Variants in CAMK2G observed in about 807,000 individuals in gnomAD.
CAMK2G encodes calcium/calmodulin-dependent protein kinase type II subunit gamma.
CAMK2G carries 23 observed loss-of-function variants against 88.7 expected under a neutral mutation model. The observed-to-expected ratio is 0.26, with a 90% CI of 0.19 to 0.37. The LOEUF (loss-of-function observed/expected upper bound fraction) is 0.37. Ranked by LOEUF, CAMK2G falls within the 10% of genes least tolerant of loss-of-function variation. The pLI, the probability that CAMK2G is intolerant of heterozygous loss-of-function variation, is 1.00. For missense variants in CAMK2G, 476 were observed against 780.8 expected (o/e 0.61, Z 4.65); for synonymous variants, 263 against 294.8 (o/e 0.89, Z 1.11).
chr10:73,844,451 A>G (rs2094072379), intron 10 of CAMK2G, among the ~76,000 whole-genome samples: 1 of 151,816 alleles, frequency 6.6e-6, no homozygotes, highest in African/African-American at 2.4e-5. Context: ...TCTGTCACCC[A>G]GGCTGGAATG....
In CAMK2G at chr10:73,824,615, C is replaced by T. The variant is rs970532781; in HGVS notation, c.1156-531G>A. On this transcript the variant is annotated intron_variant, in intron 16 of 22. Transcript: ENST00000423381. ...CCTTCCCTAGTTCCTGGCCCCACGC[C>T]GCCACGTCATGTGGTATGAGGGTCC... Among the ~76,000 whole-genome samples the T allele has an allele frequency of 3.9e-5, 6 of 152,208 alleles. No individual in the cohort carries two copies. The East Asian group carries it at 9.6e-4, about 24-fold the overall frequency.
chr10:73,852,371 AC>A (rs1253760628), intron 4 of CAMK2G, 52 bp from the exon 5 acceptor site: 1 of 1,451,674 alleles, frequency 6.9e-7, no homozygotes, highest in Non-Finnish European at 9.7e-7. Context: ...CCTTTGTCCA[AC>A]CCCAATGTCC....
chr10:73,816,083 C>A (rs2085371044), intron 21 of CAMK2G: 19 of 985,160 alleles, frequency 1.9e-5, no homozygotes, highest in Non-Finnish European at 2.3e-5. Flanking sequence ...TAACTCAGGG[C>A]AGGATAGGGA....
At chr10:73,851,670 A>G (rs1017655108) in intron 5 of CAMK2G, among the ~76,000 whole-genome samples, 3 of 151,436 alleles carry the variant, frequency 2.0e-5, no homozygotes, top group Admixed American at 6.6e-5. Context: ...TAGTGCAAAA[A>G]AAAAGTATTT....
At chr10:73,841,744 G>GTT (rs2093802343) in intron 12 of CAMK2G, 1 of 174,128 alleles carries the variant, frequency 5.7e-6, no homozygotes, top group African/African-American at 2.4e-5. Context: ...ACAAAATGAA[G>GTT]TAAGAGATCG....
chr10:73,864,067 G>A (rs2095490628), intron 2 of CAMK2G, among the ~76,000 whole-genome samples: 1 of 152,192 alleles, frequency 6.6e-6, no homozygotes, highest in Admixed American at 6.6e-5. Flanking sequence ...TATCGTGGCT[G>A]GGCGCGGTGG....
At chr10:73,867,953 A>T (rs1199044620) in intron 2 of CAMK2G, among the ~76,000 whole-genome samples, 1 of 152,130 alleles carries the variant, frequency 6.6e-6, no homozygotes, top group Non-Finnish European at 1.5e-5. Context: ...TTGTGCTTTG[A>T]TTTCCCCAGC....
At chr10:73,853,308 TCCTCAGCAGCCCCACC>T (rs2135172113) in intron 3 of CAMK2G, 62 bp from the exon 4 acceptor site, 1 of 1,462,004 alleles carries the variant, frequency 6.8e-7, no homozygotes, top group South Asian at 1.1e-5. Context: ...CCTAGGCTTC[TCCTCAGCAGCCCCACC>T]CCTGCCCCAT....
intron 3 of CAMK2G, among the ~76,000 whole-genome samples, chr10:73,857,881 T>A (rs972952716): frequency 6.6e-6 from 1 of 152,204 alleles, no homozygotes; most frequent in Admixed American, 6.5e-5. Context: ...TTTTAATTAA[T>A]AAACTTTATT....
At chr10:73,859,721 T>C (rs1022747576) in intron 3 of CAMK2G, among the ~76,000 whole-genome samples, 1 of 152,222 alleles carries the variant, frequency 6.6e-6, no homozygotes, top group Non-Finnish European at 1.5e-5. Flanking sequence ...GATTGCCATC[T>C]AGAAAGCCCT....
At chr10:73,846,532 C>A (rs938980554) in intron 10 of CAMK2G, 4 of 152,184 alleles carry the variant, frequency 2.6e-5, no homozygotes, top group Non-Finnish European at 5.9e-5. Context: ...TCTTTTGGGG[C>A]AGGGACCATG....
chr10:73,871,361 CA>C (rs1287102396), intron 2 of CAMK2G, among the ~76,000 whole-genome samples: 1 of 152,100 alleles, frequency 6.6e-6, no homozygotes, highest in Non-Finnish European at 1.5e-5. Flanking sequence ...AGGAAGTCAC[CA>C]CATCACCTAT....
chr10:73,853,009 C>T (rs915673121), intron 4 of CAMK2G, among the ~76,000 whole-genome samples, 183 bp downstream of exon 4: 12 of 152,154 alleles, frequency 7.9e-5, no homozygotes, highest in African/African-American at 1.2e-4. Context: ...CCTGGGGGGA[C>T]GCTGGGGGAA....
rs183155755 is a variant in CAMK2G, at chr10:73,832,902, G to A, written c.1053+4566C>T. 2.0e-4 allele frequency among the ~76,000 whole-genome samples: 31 copies of A among 151,292 alleles called. 1 individual carries two copies. In the East Asian group the frequency reaches 5.2e-3, roughly 26 times the overall value. The stretch of plus-strand genomic sequence containing the variant: ...CCTGAGTAGCTGGGACTATAGGTAC[G>A]CACCACTGTGTCTGGCTCCTTACTG... On this transcript the variant is annotated intron_variant, in intron 14 of 22. Coordinates refer to ENST00000423381, the MANE Select transcript of CAMK2G (RefSeq NM_001367534.1).
chr10:73,858,221 C>T lies in CAMK2G; in HGVS notation c.220+2609G>A, dbSNP rs796548374. Reference sequence around the variant, plus strand: ...TGAATTCAGTGCCTCCGAGTCTGACCACAGGCAGGGCTGACCACATGCTCT... The same window carrying T: ...TGAATTCAGTGCCTCCGAGTCTGACTACAGGCAGGGCTGACCACATGCTCT... On this transcript the variant is annotated intron_variant, in intron 3 of 22. Coordinates refer to ENST00000423381, the MANE Select transcript of CAMK2G (RefSeq NM_001367534.1). 2.0e-5 allele frequency among the ~76,000 whole-genome samples: 3 copies of T among 152,232 alleles called. No homozygotes were observed. The East Asian group carries it at 5.8e-4, about 29-fold the overall frequency.
At chr10:73,851,310 G>A (rs892189263) in intron 5 of CAMK2G, among the ~76,000 whole-genome samples, 2 of 152,212 alleles carry the variant, frequency 1.3e-5, no homozygotes, top group East Asian at 1.9e-4. Flanking sequence ...GAGCCAAGGC[G>A]GGAAAGGCAG....
chr10:73,818,610 C>T, intron 19 of CAMK2G: 1 of 441,988 alleles, frequency 2.3e-6, no homozygotes, highest in Admixed American at 2.4e-5. Context: ...CAGGGCAGCG[C>T]AGCCAAAGGC....
intron 15 of CAMK2G, among the ~76,000 whole-genome samples, chr10:73,827,111 C>T (rs989554836): frequency 6.6e-6 from 1 of 152,212 alleles, no homozygotes; most frequent in African/African-American, 2.4e-5. Flanking sequence ...AGGCCAAGAC[C>T]CTCACAGGGG....
intron 18 of CAMK2G, among the ~76,000 whole-genome samples, chr10:73,820,481 TATATATA>T (rs2087730864): frequency 3.0e-5 from 1 of 33,622 alleles, no homozygotes; most frequent in Non-Finnish European, 5.4e-5. Context: ...TATATATATA[TATATATA>T]TATATTTTTT....
Sources: allele counts gnomAD v4.1 joint callset (sites outside exome capture counted in the v4.1 genomes callset), GRCh38; gene constraint gnomAD v4.1.1; transcripts MANE v1.5; gene names NCBI Gene and HGNC (gene_info 2026-07-23, HGNC 2026-07-21).